RNF4: variants seen among roughly 807,000 people sequenced by gnomAD.
RNF4 encodes ring finger protein 4.
Under a neutral mutation model 24.3 loss-of-function variants are expected in RNF4, and 7 were observed. The ratio of observed to expected loss-of-function variants is 0.29; its 90% CI spans 0.16 to 0.54. The LOEUF (loss-of-function observed/expected upper bound fraction) is 0.54. Ranked by LOEUF, RNF4 falls within the 20% of genes least tolerant of loss-of-function variation. The pLI, the probability that RNF4 is intolerant of heterozygous loss-of-function variation, is 0.95. For synonymous variants in RNF4, 83 were observed against 84.3 expected (o/e 0.98, Z 0.09); for missense variants, 209 against 248.5 (o/e 0.84, Z 1.07).
intron 4 of RNF4, among the ~76,000 whole-genome samples, chr4:2,501,967 GT>G (rs752302610): frequency 2.0e-5 from 3 of 152,326 alleles, no homozygotes; most frequent in Admixed American, 6.5e-5. Flanking sequence ...AGTGGGTTTA[GT>G]TGTACGTGGT....
At chr4:2,476,466 C>T (rs1014926187) in intron 1 of RNF4, among the ~76,000 whole-genome samples, 1 of 152,280 alleles carries the variant, frequency 6.6e-6, no homozygotes, top group Admixed American at 6.5e-5. Context: ...ACGATCTCAG[C>T]ACTGCAACCT....
chr4:2,482,052 T>A (rs1735260398), intron 1 of RNF4, among the ~76,000 whole-genome samples: 1 of 152,220 alleles, frequency 6.6e-6, no homozygotes, highest in Non-Finnish European at 1.5e-5. Context: ...TGAGTTTGGC[T>A]AGCCCTTTGG....
intron 2 of RNF4, among the ~76,000 whole-genome samples, chr4:2,496,403 G>A (rs1039019130): frequency 6.6e-6 from 1 of 152,200 alleles, no homozygotes; most frequent in African/African-American, 2.4e-5. Context: ...CCACTACCAA[G>A]TCCAAATCCT....
At chr4:2,507,129 C>G (rs917191253) in intron 4 of RNF4, among the ~76,000 whole-genome samples, 1 of 151,874 alleles carries the variant, frequency 6.6e-6, no homozygotes, top group East Asian at 1.9e-4. Context: ...TATTCTGTAT[C>G]CTGCCTGGTT....
At chr4:2,510,736 C>A (rs1203848) in intron 4 of RNF4, among the ~76,000 whole-genome samples, 5,244 of 152,276 alleles carry the variant, frequency 0.034, 136 homozygotes, top group African/African-American at 0.067. Flanking sequence ...TGAGAACTTT[C>A]CTGAAACAGC....
In RNF4 at chr4:2,510,448, A is replaced by T. The variant is rs1360033864; in HGVS notation, c.205-1508A>T. ...ACAGTACTGCAGACCCTTTCTAGGG[A>T]GGAGAGGCCTGGGCTCAAGACATAG... On this transcript the variant is annotated intron_variant, in intron 4 of 7. Transcript: ENST00000314289. Among the ~76,000 whole-genome samples, 5 of 152,142 alleles carry T rather than the reference A, an allele frequency of 3.3e-5. No homozygotes were observed. The East Asian group carries it at 7.7e-4, about 23-fold the overall frequency.
chr4:2,484,067 T>TTC lies in RNF4; in HGVS notation c.-157-6270_-157-6269insTC, dbSNP rs113878655. Among the ~76,000 whole-genome samples the TTC allele has an allele frequency of 7.5e-4, 10 of 13,280 alleles. 4 individuals carry two copies. The highest frequency in any genetic ancestry group is 1.4e-3 in the Admixed American group (2 of 1,420). 8.7% of individuals were successfully genotyped at this position (13,280 alleles called of 152,430 possible). A position where few individuals can be genotyped will look rare whatever the true frequency, so the allele number is the denominator to read the frequency against. On this transcript the variant is annotated intron_variant, in intron 1 of 7. Coordinates refer to ENST00000314289, the MANE Select transcript of RNF4 (RefSeq NM_002938.5). ...GTCTCGAACTCCTGGCCTCAGGTGATCCCCCCCCGCCTCGGCCTCCCAAAG... is the reference window on the plus strand; with the variant it reads ...GTCTCGAACTCCTGGCCTCAGGTGATTCCCCCCCCCGCCTCGGCCTCCCAAAG...
intron 1 of RNF4, among the ~76,000 whole-genome samples, chr4:2,482,752 T>G (rs1735279900): frequency 6.6e-6 from 1 of 152,212 alleles, no homozygotes; most frequent in Non-Finnish European, 1.5e-5. Flanking sequence ...GCTTTCTGCT[T>G]TGATCAAATT....
Position 2,473,098 on chromosome 4 carries a change from T to A in RNF4, c.-158+3840T>A, listed in dbSNP as rs1472899919. Among the ~76,000 whole-genome samples the A allele has an allele frequency of 2.0e-5, 3 of 149,624 alleles. No individual in the cohort carries two copies. In the East Asian group the frequency reaches 5.9e-4, roughly 30 times the overall value. ...ATGGGAGGAGGTCAAAATATCAACA[T>A]CAGCAGTTCACGGTGGCTCACGCCT... is the stretch of plus-strand genomic sequence containing the variant. On this transcript the variant is annotated intron_variant, in intron 1 of 7. Coordinates refer to ENST00000314289, the MANE Select transcript of RNF4 (RefSeq NM_002938.5).
chr4:2,511,963 A>C lies in RNF4; in HGVS notation c.212A>C (p.Asp71Ala). 6.2e-7 allele frequency: 1 copy of C among 1,607,258 alleles called. No individual in the cohort carries two copies. The highest frequency in any genetic ancestry group is 8.5e-7 in the Non-Finnish European group (1 of 1,176,852). The part of the protein sequence containing the change: ...LTHNDSVVIV[D>A]ERRRPRRNAR... ...TCTCCTTCTGTTTACAAGATTGTTGACGGTGAGTGGTTTCGTTTCCTTTTT... is the reference window on the plus strand; with the variant it reads ...TCTCCTTCTGTTTACAAGATTGTTGCCGGTGAGTGGTTTCGTTTCCTTTTT... Residue 71 changes from aspartate to alanine, a missense_variant and splice_region_variant, in exon 5 of 8, where the codon GAC becomes GCC. This residue lies in a region of RNF4 where 182 missense variants were observed against 197.2 expected (regional missense o/e 0.92). Coordinates refer to ENST00000314289, the MANE Select transcript of RNF4 (RefSeq NM_002938.5).
At chr4:2,475,331 T>TTTTTTTTG (rs1560398788) in intron 1 of RNF4, among the ~76,000 whole-genome samples, 4 of 146,502 alleles carry the variant, frequency 2.7e-5, no homozygotes, top group Admixed American at 1.4e-4. Context: ...GCACCTGGCT[T>TTTTTTTTG]TTTGTTTGTT....
chr4:2,501,842 A>G (rs1735920027), intron 4 of RNF4, among the ~76,000 whole-genome samples: 1 of 152,188 alleles, frequency 6.6e-6, no homozygotes, highest in Non-Finnish European at 1.5e-5. Context: ...GGGACACCCC[A>G]TAGGTGTTGC....
intron 4 of RNF4, among the ~76,000 whole-genome samples, chr4:2,506,940 A>T (rs1269905634): frequency 6.6e-6 from 1 of 152,150 alleles, no homozygotes; most frequent in Non-Finnish European, 1.5e-5. Flanking sequence ...CAGTGGTAGA[A>T]AAGAGACTGG....
intron 4 of RNF4, among the ~76,000 whole-genome samples, chr4:2,511,063 G>A (rs1039407194): frequency 4.6e-5 from 7 of 152,206 alleles, no homozygotes; most frequent in African/African-American, 1.7e-4. Flanking sequence ...CCTTGGCAGT[G>A]GCCTACATTG....
intron 3 of RNF4, among the ~76,000 whole-genome samples, chr4:2,497,771 A>G (rs1011169802): frequency 6.6e-6 from 1 of 152,084 alleles, no homozygotes; most frequent in African/African-American, 2.4e-5. Flanking sequence ...AGTAGCTGGG[A>G]CTATAGGCAC....
In RNF4 at chr4:2,497,381, A is replaced by G. The variant is rs577283640; in HGVS notation, c.124+260A>G. ...GCAAATGAGATAGCCCACCTTTTCT[A>G]TCTGAAACTGCATCCCCAATTGCTG... On this transcript the variant is annotated intron_variant, in intron 3 of 7. Transcript: ENST00000314289. 272 of 284,352 alleles carry G rather than the reference A, an allele frequency of 9.6e-4. 1 individual carries two copies. Among genetic ancestry groups the G allele is most frequent in the African/African-American group, 5.4e-3 (245 of 45,778 alleles). The allele number at this position is 284,352 out of a possible 1,614,324, so 17.6% of individuals were successfully genotyped here. A position where few individuals can be genotyped will look rare whatever the true frequency, so the allele number is the denominator to read the frequency against.
intron 2 of RNF4, among the ~76,000 whole-genome samples, chr4:2,496,055 G>GT (rs1473137578): frequency 2.0e-5 from 3 of 152,228 alleles, no homozygotes; most frequent in Non-Finnish European, 4.4e-5. Flanking sequence ...GCTGGTCAGA[G>GT]TGTCAGTTGC....
chr4:2,485,639 C>T (rs3849666), intron 1 of RNF4, among the ~76,000 whole-genome samples: 48,890 of 152,024 alleles, frequency 0.32, 9,374 homozygotes, highest in Admixed American at 0.52. Context: ...ACCTAGCATC[C>T]GGCTCTCCTG....
chr4:2,499,183 C>T (rs533181209), intron 3 of RNF4, among the ~76,000 whole-genome samples: 83 of 152,028 alleles, frequency 5.5e-4, no homozygotes, highest in African/African-American at 1.6e-3. Context: ...GACGACAGAG[C>T]GAGACTCTGT....
Sources: allele counts gnomAD v4.1 joint callset (sites outside exome capture counted in the v4.1 genomes callset), GRCh38; gene constraint gnomAD v4.1.1; regional missense constraint gnomAD v4.1.1; transcripts MANE v1.5; gene names NCBI Gene and HGNC (gene_info 2026-07-23, HGNC 2026-07-21).